Variants in CEP70 observed in about 807,000 individuals in gnomAD.
The protein encoded by CEP70 is centrosomal protein of 70 kDa.
A neutral mutation model predicts 90.9 loss-of-function variants in CEP70; 70 were observed. The observed-to-expected ratio is 0.77, with a 90% CI of 0.64 to 0.94. CEP70 has a LOEUF of 0.94. CEP70 is among the 40% of genes least tolerant of loss of function. The pLI is 0.00. For synonymous variants in CEP70, 220 were observed against 228.3 expected, an observed-to-expected ratio of 0.96 and a Z score of 0.33; for missense variants, 648 against 669.0, an observed-to-expected ratio of 0.97 and a Z score of 0.35.
intron 17 of CEP70, chr3:138,496,215 A>G (rs976877786): frequency 3.0e-6 from 3 of 985,320 alleles, no homozygotes; most frequent in Non-Finnish European, 3.6e-6. Flanking sequence ...TACATAAAGC[A>G]TGCTTTCTTG....
intron 2 of CEP70, among the ~76,000 whole-genome samples, chr3:138,585,904 C>T (rs1175578399): frequency 6.6e-6 from 1 of 152,156 alleles, no homozygotes; most frequent in African/African-American, 2.4e-5. Context: ...AGACTTAAAT[C>T]TAAGCCCTCA....
intron 2 of CEP70, among the ~76,000 whole-genome samples, chr3:138,583,101 G>A (rs1463343650): frequency 6.6e-6 from 1 of 152,064 alleles, no homozygotes; most frequent in African/African-American, 2.4e-5. Flanking sequence ...CATATAGACT[G>A]AAAATTAAGA....
In CEP70 at chr3:138,537,345, C is replaced by T. The variant is rs184556314; in HGVS notation, c.468G>A (p.Val156=). 66 of 1,578,514 alleles carry T rather than the reference C, an allele frequency of 4.2e-5. No homozygotes were observed. In the East Asian group the frequency reaches 1.3e-3, roughly 32 times the overall value. Reference sequence around the variant, plus strand: ...GTTTTTTCTTATAATGCTGGCACTTCACCTATAAGATATTTTTTAAAAACA... The same window carrying T: ...GTTTTTTCTTATAATGCTGGCACTTTACCTATAAGATATTTTTTAAAAACA... ...DLQKEQKTLQ[V]KCQHYKKKRT... is the part of the protein sequence containing the mutation. The change falls in exon 7 of 18, where the codon GTG becomes GTA. Residue 156 remains valine, a splice_region_variant and synonymous_variant. Coordinates refer to ENST00000264982, the MANE Select transcript of CEP70 (RefSeq NM_024491.4).
rs564521822 is a variant in CEP70 at position 138,544,828 on chromosome 3, A to T, written c.466-7481T>A. On this transcript the variant is annotated intron_variant, in intron 6 of 17. Coordinates refer to ENST00000264982, the MANE Select transcript of CEP70 (RefSeq NM_024491.4). ...AGGCCCTGAAAGACAACTATTGCACATTCTCACTTAAATGTGGAAACCAAA... is the reference window on the plus strand; with the variant it reads ...AGGCCCTGAAAGACAACTATTGCACTTTCTCACTTAAATGTGGAAACCAAA... Among the ~76,000 whole-genome samples the T allele has an allele frequency of 6.6e-5, 10 of 152,312 alleles. No individual in the cohort carries two copies. In the East Asian group the frequency reaches 1.9e-3, roughly 29 times the overall value.
chr3:138,563,072 C>T (rs2040524055), intron 6 of CEP70, among the ~76,000 whole-genome samples: 1 of 150,880 alleles, frequency 6.6e-6, no homozygotes, highest in Non-Finnish European at 1.5e-5. Context: ...TCTGATAAAA[C>T]AGACTTTAAA....
At chr3:138,497,136 G>A in intron 17 of CEP70, 12 of 1,092,290 alleles carry the variant, frequency 1.1e-5, no homozygotes, top group Non-Finnish European at 1.3e-5. Flanking sequence ...CAAGCCTAAA[G>A]CAAGCTCACT....
intron 12 of CEP70, among the ~76,000 whole-genome samples, chr3:138,507,351 A>C (rs1014425874): frequency 1.3e-5 from 2 of 152,212 alleles, no homozygotes; most frequent in Admixed American, 6.5e-5. Context: ...ATTTCTCCAA[A>C]TATTAATCTA....
At chr3:138,501,360 A>G (rs1205741048) in intron 13 of CEP70, among the ~76,000 whole-genome samples, 1 of 152,172 alleles carries the variant, frequency 6.6e-6, no homozygotes, top group Non-Finnish European at 1.5e-5. Context: ...CACATGTACA[A>G]ACATCAGCAC....
At chr3:138,549,623 A>G (rs2039472050) in intron 6 of CEP70, among the ~76,000 whole-genome samples, 1 of 152,002 alleles carries the variant, frequency 6.6e-6, no homozygotes, top group African/African-American at 2.4e-5. Flanking sequence ...GTCCTTCTCT[A>G]TCTGCTCTGG....
chr3:138,567,019 C>T (rs2040842143), intron 6 of CEP70, among the ~76,000 whole-genome samples: 1 of 152,056 alleles, frequency 6.6e-6, no homozygotes, highest in Admixed American at 6.6e-5. Context: ...TATATCTATA[C>T]AATGGAGTAC....
chr3:138,559,379 C>T (rs1671013572), intron 6 of CEP70, among the ~76,000 whole-genome samples: 1 of 152,116 alleles, frequency 6.6e-6, no homozygotes, highest in Admixed American at 6.6e-5. Context: ...AGAAATGCTG[C>T]AAAATCAAAG....
chr3:138,571,012 G>A (rs868680414), intron 5 of CEP70, 22 bp downstream of exon 5: 3 of 1,514,990 alleles, frequency 2.0e-6, no homozygotes, highest in Middle Eastern at 3.9e-4. Flanking sequence ...CAATTCAAAA[G>A]AAATCTTTTC....
chr3:138,585,260 G>A (rs1461353564), intron 2 of CEP70, among the ~76,000 whole-genome samples: 1 of 151,982 alleles, frequency 6.6e-6, no homozygotes, highest in Non-Finnish European at 1.5e-5. Context: ...AGGACAATCT[G>A]AAAAAGAAAT....
At chr3:138,511,696 T>A (rs1218419654) in intron 11 of CEP70, among the ~76,000 whole-genome samples, 1 of 152,226 alleles carries the variant, frequency 6.6e-6, no homozygotes, top group African/African-American at 2.4e-5. Context: ...CTACAACTTA[T>A]TGGGAGCCTA....
chr3:138,553,665 A>T (rs1338740434), intron 6 of CEP70, among the ~76,000 whole-genome samples: 1 of 152,182 alleles, frequency 6.6e-6, no homozygotes, highest in African/African-American at 2.4e-5. Flanking sequence ...GATATAACAA[A>T]AAAAGAAAAC....
intron 10 of CEP70, among the ~76,000 whole-genome samples, chr3:138,526,586 G>T (rs1278793468): frequency 6.6e-6 from 1 of 152,162 alleles, no homozygotes; most frequent in African/African-American, 2.4e-5. Context: ...GCTCAACAAT[G>T]TTCATTCTTT....
chr3:138,574,562 C>T (rs1409981622), intron 2 of CEP70, among the ~76,000 whole-genome samples: 2 of 152,188 alleles, frequency 1.3e-5, no homozygotes, highest in East Asian at 3.8e-4. Context: ...CTTAAATGTC[C>T]CTGTCTGACA....
intron 2 of CEP70, among the ~76,000 whole-genome samples, chr3:138,581,197 G>A (rs1008730494): frequency 1.3e-5 from 2 of 150,818 alleles, no homozygotes; most frequent in African/African-American, 2.4e-5. Context: ...AGGCAGAATC[G>A]CTTGAACCCA....
At chr3:138,502,211 T>A (rs1483159750) in intron 13 of CEP70, among the ~76,000 whole-genome samples, 1 of 152,188 alleles carries the variant, frequency 6.6e-6, no homozygotes, top group Non-Finnish European at 1.5e-5. Flanking sequence ...ATTTTTCCCA[T>A]ACAAAGTCTT....
Sources: gnomAD v4.1 joint callset for allele counts (sites outside exome capture counted in the v4.1 genomes callset) on GRCh38, gnomAD v4.1.1 for gene constraint, MANE v1.5 for transcripts, NCBI Gene and HGNC (gene_info 2026-07-23, HGNC 2026-07-21) for gene names.